The following MET variants were observed in gnomAD, a reference collection of about 807,000 sequenced individuals.
The protein encoded by MET is hepatocyte growth factor receptor.
In MET, 48 loss-of-function variants were observed where a neutral mutation model predicts 133.1. The observed-to-expected ratio is 0.36, with a 90% confidence interval of 0.29 to 0.46. The LOEUF (loss-of-function observed/expected upper bound fraction) is 0.46, where lower values mean the gene tolerates loss of function less well. MET is among the 20% of genes least tolerant of loss of function. The probability of loss-of-function intolerance (pLI) is 1.00; values close to 1 mark genes in which losing one functional copy is unlikely to be tolerated. For synonymous variants in MET, 628 were observed against 616.5 expected (o/e 1.02, Z -0.28); for missense variants, 1,442 against 1,695.9 (o/e 0.85, Z 2.63).
intron 2 of MET, among the ~76,000 whole-genome samples, chr7:116,707,344 G>A (rs962527664): frequency 3.3e-5 from 5 of 151,962 alleles, no homozygotes. Context: ...TGTCTTATTT[G>A]GGTAAATCAG....
intron 5 of MET, 87 bp from the exon 6 acceptor site, chr7:116,755,268 G>T (rs2116907470): frequency 7.1e-7 from 1 of 1,415,132 alleles, no homozygotes; most frequent in Non-Finnish European, 9.9e-7. Context: ...ACTATTTAAG[G>T]ATATACATTT....
rs561347675 is a variant in MET at position 116,740,972 on chromosome 7, G to A, written c.1648G>A (p.Glu550Lys). The part of the protein sequence containing the change: ...WCHDKCVRSE[E>K]CLSGTWTQQI... ...CCACGACAAATGTGTGCGATCGGAGGAATGCCTGAGCGGGACATGGACTCA... is the reference window on the plus strand; with the variant it reads ...CCACGACAAATGTGTGCGATCGGAGAAATGCCTGAGCGGGACATGGACTCA... The change falls in exon 5 of 21, where the codon GAA (glutamate) becomes AAA (lysine). Residue 550 changes from glutamate to lysine, a missense_variant. Physicochemically the swap from Glu to Lys is moderately conservative, Grantham distance 56 (BLOSUM62 1). Coordinates refer to ENST00000397752, the MANE Select transcript of MET (RefSeq NM_000245.4). The A allele has an allele frequency of 6.2e-7, 1 of 1,613,948 alleles. No individual in the cohort carries two copies. The highest frequency in any genetic ancestry group is 1.3e-5 in the African/African-American group (1 of 75,000).
intron 5 of MET, among the ~76,000 whole-genome samples, chr7:116,741,875 A>T (rs1793471554): frequency 6.6e-6 from 1 of 152,246 alleles, no homozygotes. Context: ...TAGAGAACTC[A>T]GTTTCTGGCA....
intron 1 of MET, among the ~76,000 whole-genome samples, chr7:116,690,399 C>A (rs1271733182): frequency 6.6e-6 from 1 of 152,180 alleles, no homozygotes; most frequent in Non-Finnish European, 1.5e-5. Flanking sequence ...AAAGCCCACA[C>A]TCTCTCCACT....
chr7:116,771,736 G>T (rs2116994231), intron 13 of MET, 82 bp downstream of exon 13: 5 of 1,607,986 alleles, frequency 3.1e-6, no homozygotes, highest in Non-Finnish European at 4.3e-6. Context: ...CGATTCTTGT[G>T]TGCTGTCTTA....
chr7:116,760,396 A>G (rs1036800474), intron 10 of MET, among the ~76,000 whole-genome samples: 1 of 152,176 alleles, frequency 6.6e-6, no homozygotes, highest in African/African-American at 2.4e-5. Flanking sequence ...CTTATTTTAT[A>G]TAGGTCACAT....
At chr7:116,678,504 A>G (rs1229803564) in intron 1 of MET, among the ~76,000 whole-genome samples, 1 of 152,132 alleles carries the variant, frequency 6.6e-6, no homozygotes, top group Non-Finnish European at 1.5e-5. Context: ...AATTTTTAAT[A>G]TTTTATTAAA....
At position 116,699,220 on chromosome 7, in the gene MET, T is replaced by G; in HGVS notation, c.136T>G (p.Phe46Val). Residue 46 changes from phenylalanine (F) to valine (V), a missense_variant, in exon 2 of 21, where the codon TTC (phenylalanine) becomes GTC (valine). By Grantham distance (50) the Phe-to-Val change is conservative. This residue lies in a region of MET where 762 missense variants were observed against 792.4 expected (regional missense o/e 0.96). Coordinates refer to ENST00000397752, the MANE Select transcript of MET (RefSeq NM_000245.4). The part of the protein sequence containing the change: ...NVNMKYQLPN[F>V]TAETPIQNVI... The stretch of plus-strand genomic sequence containing the variant: ...GAATATGAAGTATCAGCTTCCCAAC[T>G]TCACCGCGGAAACACCCATCCAGAA... 6.2e-7 allele frequency: 1 copy of G among 1,613,944 alleles called. No individual in the cohort carries two copies. Among genetic ancestry groups the G allele is most frequent in the Non-Finnish European group, 8.5e-7 (1 of 1,179,910 alleles).
intron 2 of MET, among the ~76,000 whole-genome samples, chr7:116,703,786 G>T (rs1227311436): frequency 6.6e-6 from 1 of 152,082 alleles, no homozygotes; most frequent in Non-Finnish European, 1.5e-5. Context: ...AATCAGCAAA[G>T]ATCCTGTTCC....
At chr7:116,694,461 C>G (rs28407345) in intron 1 of MET, among the ~76,000 whole-genome samples, 1 of 152,014 alleles carries the variant, frequency 6.6e-6, no homozygotes, top group Non-Finnish European at 1.5e-5. Context: ...GTACTAACTC[C>G]AACTGTGTTC....
At chr7:116,791,322 C>G (rs1034010001) in intron 19 of MET, among the ~76,000 whole-genome samples, 1 of 152,144 alleles carries the variant, frequency 6.6e-6, no homozygotes, top group African/African-American at 2.4e-5. Context: ...CACCAGCGAT[C>G]CATAAGAGTT....
chr7:116,696,233 C>A (rs961520938), intron 1 of MET, among the ~76,000 whole-genome samples: 1 of 152,148 alleles, frequency 6.6e-6, no homozygotes, highest in Non-Finnish European at 1.5e-5. Context: ...TCGAGTTGGT[C>A]TCCCTTCCTC....
chr7:116,759,628 A>C (rs1275651632), intron 10 of MET, 138 bp downstream of exon 10: 1 of 977,080 alleles, frequency 1.0e-6, no homozygotes, highest in East Asian at 2.6e-5. Flanking sequence ...GCCAAGTAGT[A>C]TTTTTTATTT....
intron 12 of MET, among the ~76,000 whole-genome samples, chr7:116,770,579 A>G (rs866717048): frequency 6.6e-6 from 1 of 151,750 alleles, no homozygotes. Flanking sequence ...AGCTCCACAT[A>G]CCCTTCTCTC....
At chr7:116,713,986 G>A (rs1792101094) in intron 2 of MET, among the ~76,000 whole-genome samples, 1 of 152,170 alleles carries the variant, frequency 6.6e-6, no homozygotes, top group South Asian at 2.1e-4. Flanking sequence ...ATACTTCTAT[G>A]AGTAAGTGCA....
intron 18 of MET, 66 bp from the exon 19 acceptor site, chr7:116,783,238 G>T (rs1337375831): frequency 2.2e-5 from 35 of 1,582,224 alleles, no homozygotes; most frequent in Non-Finnish European, 2.9e-5. Context: ...TTAATCTGTA[G>T]ATATTCAGCA....
At chr7:116,780,032 A>G (rs1795108861) in intron 17 of MET, among the ~76,000 whole-genome samples, 1 of 152,204 alleles carries the variant, frequency 6.6e-6, no homozygotes, top group Non-Finnish European at 1.5e-5. Flanking sequence ...ATTTTTGTGT[A>G]TTTTGTTCAC....
chr7:116,793,972 C>G (rs1295011733), intron 19 of MET, among the ~76,000 whole-genome samples: 1 of 151,882 alleles, frequency 6.6e-6, no homozygotes, highest in Non-Finnish European at 1.5e-5. Context: ...CCAAAACTCT[C>G]CCTCTGCCCT....
chr7:116,695,301 C>G (rs772355754), intron 1 of MET, among the ~76,000 whole-genome samples: 4 of 152,136 alleles, frequency 2.6e-5, no homozygotes, highest in Non-Finnish European at 5.9e-5. Context: ...AACAAATTGT[C>G]CCTAATCCTT....
Sources: gnomAD v4.1 joint callset for allele counts (sites outside exome capture counted in the v4.1 genomes callset) on GRCh38, gnomAD v4.1.1 for gene constraint, gnomAD v4.1.1 regional missense constraint, MANE v1.5 for transcripts, NCBI Gene and HGNC (gene_info 2026-07-23, HGNC 2026-07-21) for gene names.